Variants in CDH4 observed in about 807,000 individuals in gnomAD.
CDH4 encodes the protein cadherin 4.
Under a neutral mutation model 86.0 loss-of-function variants are expected in CDH4, and 33 were observed. The ratio of observed to expected loss-of-function variants is 0.38; its 90% CI spans 0.29 to 0.51. CDH4 has a LOEUF of 0.51. CDH4 is among the 20% of genes least tolerant of loss of function. The probability of loss-of-function intolerance (pLI) is 0.86; values close to 1 mark genes in which losing one functional copy is unlikely to be tolerated. For synonymous variants in CDH4, 555 were observed against 549.4 expected (o/e 1.01, Z -0.14); for missense variants, 1,114 against 1,307.4 (o/e 0.85, Z 2.28).
At chr20:61,458,171 A>T (rs1317876922) in intron 2 of CDH4, among the ~76,000 whole-genome samples, 2 of 149,838 alleles carry the variant, frequency 1.3e-5, no homozygotes, top group South Asian at 2.1e-4. Flanking sequence ...GACAGTGCTG[A>T]TGCTGGTGGT....
chr20:61,894,817 C>A, intron 7 of CDH4, 93 bp from the exon 8 acceptor site: 2 of 1,384,808 alleles, frequency 1.4e-6, no homozygotes, highest in Non-Finnish European at 9.9e-7. Flanking sequence ...CCAGGAACTC[C>A]GTTCCTGTAA....
intron 2 of CDH4, among the ~76,000 whole-genome samples, chr20:61,340,900 T>A (rs2084646183): frequency 6.6e-6 from 1 of 152,246 alleles, no homozygotes; most frequent in South Asian, 2.1e-4. Context: ...CAGTAAGGGC[T>A]ACATTAGCCA....
chr20:61,482,660 C>G (rs534528127), intron 2 of CDH4, among the ~76,000 whole-genome samples: 1 of 152,194 alleles, frequency 6.6e-6, no homozygotes, highest in Non-Finnish European at 1.5e-5. Flanking sequence ...AGCTGACTCG[C>G]CCCATGTGGT....
At chr20:61,679,259 C>T (rs1008265286) in intron 2 of CDH4, among the ~76,000 whole-genome samples, 2 of 152,196 alleles carry the variant, frequency 1.3e-5, no homozygotes, top group Middle Eastern at 3.2e-3. Context: ...GTCCTCGTCT[C>T]TCTTACTCTA....
At chr20:61,553,313 G>T (rs750665561) in intron 2 of CDH4, among the ~76,000 whole-genome samples, 10 of 152,228 alleles carry the variant, frequency 6.6e-5, no homozygotes, top group Non-Finnish European at 1.2e-4. Flanking sequence ...ACTAATGGGT[G>T]CAGGGTTTCT....
intron 6 of CDH4, among the ~76,000 whole-genome samples, chr20:61,866,231 A>G (rs1427052390): frequency 6.6e-6 from 1 of 152,134 alleles, no homozygotes; most frequent in Non-Finnish European, 1.5e-5. Context: ...AATGCTTGGC[A>G]CAGAGGGATG....
rs112971928 is a variant in CDH4, at chr20:61,275,343, G to A, written c.169+20406G>A. ...TGCGCAGTTTGGGAGAGTACCGTGC[G>A]CAGTTTGGGGGGAGTACCGTGAAGC... On this transcript the variant is annotated intron_variant, in intron 2 of 15. Transcript: ENST00000614565. Among the ~76,000 whole-genome samples the A allele has an allele frequency of 3.6e-3, 441 of 121,526 alleles. 5 individuals are homozygous for A. Among genetic ancestry groups the A allele is most frequent in the African/African-American group, 0.013 (401 of 30,622 alleles). The allele number at this position is 121,526 out of a possible 152,430, so 79.7% of individuals were successfully genotyped here. A position where few individuals can be genotyped will look rare whatever the true frequency, so the allele number is the denominator to read the frequency against.
intron 2 of CDH4, among the ~76,000 whole-genome samples, chr20:61,664,553 G>A (rs577796235): frequency 5.3e-5 from 8 of 152,226 alleles, no homozygotes; most frequent in Non-Finnish European, 7.3e-5. Context: ...AGCAGCATGC[G>A]GAAAGCTGAG....
At chr20:61,378,528 T>G (rs1226921859) in intron 2 of CDH4, among the ~76,000 whole-genome samples, 1 of 152,220 alleles carries the variant, frequency 6.6e-6, no homozygotes, top group Admixed American at 6.5e-5. Flanking sequence ...TCTGTCTCTG[T>G]CTTCCCGCGG....
chr20:61,343,469 T>C (rs560807640), intron 2 of CDH4, among the ~76,000 whole-genome samples: 2 of 152,238 alleles, frequency 1.3e-5, no homozygotes, highest in Non-Finnish European at 2.9e-5. Context: ...TGTGTATCAG[T>C]GTTGGAGCCC....
chr20:61,642,350 A>G (rs566849229), intron 2 of CDH4, among the ~76,000 whole-genome samples: 16 of 152,130 alleles, frequency 1.1e-4, no homozygotes, highest in African/African-American at 3.9e-4. Context: ...TGGAATGGGG[A>G]ACCAGCAGGT....
intron 3 of CDH4, among the ~76,000 whole-genome samples, chr20:61,761,742 C>T (rs937699523): frequency 4.6e-5 from 7 of 152,286 alleles, no homozygotes; most frequent in Middle Eastern, 3.4e-3. Context: ...GCGCAGAAGA[C>T]GCCGTGGCCT....
At chr20:61,577,904 A>G (rs1294992335) in intron 2 of CDH4, among the ~76,000 whole-genome samples, 3 of 152,148 alleles carry the variant, frequency 2.0e-5, no homozygotes, top group African/African-American at 4.8e-5. Flanking sequence ...AAAGCTGTGC[A>G]TAGGGAAAGC....
chr20:61,612,772 C>T lies in CDH4; in HGVS notation c.170-130791C>T, dbSNP rs903323803. 4.6e-5 allele frequency among the ~76,000 whole-genome samples: 7 copies of T among 152,222 alleles called. No homozygotes were observed. In the East Asian group the frequency reaches 7.7e-4, roughly 17 times the overall value. On this transcript the variant is annotated intron_variant, in intron 2 of 15. Transcript: ENST00000614565. ...AGCCTCCTAGTTTCTGCTAATGTGA[C>T]GGTTTTGCATGCTGCATTTAGGCCT...
chr20:61,870,784 C>T (rs1983770434), intron 6 of CDH4, among the ~76,000 whole-genome samples: 1 of 152,158 alleles, frequency 6.6e-6, no homozygotes, highest in Non-Finnish European at 1.5e-5. Context: ...CAAATAGTGC[C>T]TGATGCGCCA....
At chr20:61,817,494 C>T (rs1294951931) in intron 4 of CDH4, among the ~76,000 whole-genome samples, 1 of 152,102 alleles carries the variant, frequency 6.6e-6, no homozygotes, top group African/African-American at 2.4e-5. Context: ...AGCAACTTCT[C>T]GCTTTTTTTT....
In CDH4 at chr20:61,937,017, C is replaced by A; in HGVS notation, c.*74C>A. 7.7e-7 allele frequency: 1 copy of A among 1,305,916 alleles called. No individual in the cohort carries two copies. The highest frequency in any genetic ancestry group is 1.0e-6 in the Non-Finnish European group (1 of 961,990). 80.9% of individuals were successfully genotyped at this position (1,305,916 alleles called of 1,614,324 possible). ...AGGAGCAGGACTGAGCAGAGGCGGC[C>A]GGTCTTCCCGACTCCCTGCGGCTGT... On this transcript the variant is annotated 3_prime_UTR_variant, in exon 16 of 16. Coordinates refer to ENST00000614565, the MANE Select transcript of CDH4 (RefSeq NM_001794.5).
At chr20:61,282,922 G>A (rs1202731975) in intron 2 of CDH4, among the ~76,000 whole-genome samples, 6 of 150,604 alleles carry the variant, frequency 4.0e-5, no homozygotes, top group African/African-American at 1.2e-4. Context: ...TGTGATGTAC[G>A]TGCATTTGCA....
At chr20:61,254,678 AC>A in intron 1 of CDH4, 147 bp from the exon 2 acceptor site, 1 of 652,758 alleles carries the variant, frequency 1.5e-6, no homozygotes, top group Non-Finnish European at 2.8e-6. Context: ...AGAGGAGCAG[AC>A]GGGGTATCGC....
Sources: allele counts gnomAD v4.1 joint callset (sites outside exome capture counted in the v4.1 genomes callset), GRCh38; gene constraint gnomAD v4.1.1; transcripts MANE v1.5; gene names NCBI Gene and HGNC (gene_info 2026-07-23, HGNC 2026-07-21).